The following DCAF1 variants were observed in gnomAD, a reference collection of about 807,000 sequenced individuals.
DCAF1 encodes the protein DDB1 and CUL4 associated factor 1.
DCAF1 carries 15 observed loss-of-function variants against 128.0 expected under a neutral mutation model. The observed-to-expected ratio is 0.12, with a 90% CI of 0.08 to 0.18. The LOEUF is 0.18. Among genes scored for constraint, DCAF1 ranks in the 10% least tolerant of loss-of-function variants. The pLI is 1.00. For synonymous variants in DCAF1, 610 were observed against 603.0 expected, an observed-to-expected ratio of 1.01 and a Z score of -0.17; for missense variants, 988 against 1,649.5, an observed-to-expected ratio of 0.60 and a Z score of 6.95.
intron 23 of DCAF1, among the ~76,000 whole-genome samples, chr3:51,410,686 T>C (rs965085623): frequency 3.9e-5 from 6 of 152,260 alleles, no homozygotes; most frequent in African/African-American, 1.2e-4. Context: ...ACAAGCTGTT[T>C]TGAAAGGACG....
At chr3:51,453,870 T>G (rs1169675038) in intron 6 of DCAF1, among the ~76,000 whole-genome samples, 79 of 151,860 alleles carry the variant, frequency 5.2e-4, no homozygotes, top group Non-Finnish European at 2.9e-5. Context: ...GGAGAATTGC[T>G]TGAACCCGGG....
chr3:51,432,229 C>G (rs1700451711), intron 10 of DCAF1, among the ~76,000 whole-genome samples: 1 of 143,502 alleles, frequency 7.0e-6, no homozygotes, highest in Non-Finnish European at 1.5e-5. Context: ...CAAGATGGCA[C>G]CACTGCACTC....
rs782588216 is a variant in DCAF1, at chr3:51,416,848, T to G, written c.3542A>C (p.Tyr1181Ser). ...DMKHSFTEDH[Y>S]VEFSKHSQDR... is the part of the protein sequence containing the mutation. Reference sequence around the variant, plus strand: ...CTGGGAGTGCTTACTGAACTCAACATAGTGATCTTCTGTGAAGGAATGCCT... The same window carrying G: ...CTGGGAGTGCTTACTGAACTCAACAGAGTGATCTTCTGTGAAGGAATGCCT... Residue 1181 changes from tyrosine to serine, a missense_variant, in exon 18 of 25, where the codon TAT becomes TCT. Tyr to Ser is a moderately radical substitution (Grantham distance 144). Transcript: ENST00000684031. The G allele has an allele frequency of 2.5e-6, 4 of 1,610,788 alleles. No individual in the cohort carries two copies. In the East Asian group the frequency reaches 8.9e-5, roughly 36 times the overall value.
intron 9 of DCAF1, among the ~76,000 whole-genome samples, chr3:51,438,560 A>G (rs1228112409): frequency 6.6e-6 from 1 of 152,228 alleles, no homozygotes; most frequent in African/African-American, 2.4e-5. Flanking sequence ...GATTAGAATG[A>G]AGCACAAAAA....
intron 13 of DCAF1, among the ~76,000 whole-genome samples, chr3:51,424,463 G>T (rs1553633540): frequency 6.6e-6 from 1 of 151,916 alleles, no homozygotes; most frequent in African/African-American, 2.4e-5. Context: ...GCTGGTGGGG[G>T]ATGACAATGG....
chr3:51,432,554 G>T (rs1296496519), intron 10 of DCAF1, among the ~76,000 whole-genome samples: 2 of 151,858 alleles, frequency 1.3e-5, no homozygotes, highest in Non-Finnish European at 2.9e-5. Context: ...CGCCTCCTGG[G>T]TTCAAGCAAT....
At chr3:51,494,769 G>A (rs1708058375) in intron 2 of DCAF1, among the ~76,000 whole-genome samples, 1 of 151,724 alleles carries the variant, frequency 6.6e-6, no homozygotes, top group Non-Finnish European at 1.5e-5. Context: ...TGTTACCCAG[G>A]CTGGTCTCAA....
chr3:51,484,896 T>A (rs1319664368), intron 2 of DCAF1, among the ~76,000 whole-genome samples: 1 of 149,972 alleles, frequency 6.7e-6, no homozygotes, highest in Non-Finnish European at 1.5e-5. Context: ...CTGGCCAGGC[T>A]AGTCTCAAAC....
chr3:51,460,086 G>T (rs1423134409), intron 6 of DCAF1, among the ~76,000 whole-genome samples: 1 of 152,134 alleles, frequency 6.6e-6, no homozygotes, highest in East Asian at 1.9e-4. Context: ...GAAATAAAGG[G>T]TATTCAATTA....
intron 16 of DCAF1, 100 bp from the exon 17 acceptor site, chr3:51,418,298 T>C: frequency 6.6e-7 from 1 of 1,504,166 alleles, no homozygotes; most frequent in Non-Finnish European, 8.9e-7. Flanking sequence ...AAAAATGTTG[T>C]TGAATTAAAG....
rs879192648 is a variant in DCAF1 at position 51,432,267 on chromosome 3, T to TAAA, written c.1287+836_1287+838dup. Among the ~76,000 whole-genome samples the TAAA allele has an allele frequency of 4.6e-3, 455 of 98,954 alleles. 6 individuals carry two copies. Among genetic ancestry groups the TAAA allele is most frequent in the Middle Eastern group, 0.023 (4 of 174 alleles). 64.9% of individuals were successfully genotyped at this position (98,954 alleles called of 152,430 possible). A position where few individuals can be genotyped will look rare whatever the true frequency, so the allele number is the denominator to read the frequency against. On this transcript the variant is annotated intron_variant, in intron 10 of 24. Coordinates refer to ENST00000684031, the MANE Select transcript of DCAF1 (RefSeq NM_001387579.1). ...ACCTGGGAGACAGAGCAAGATTCTG[T>TAAA]AAAAAAAAAAAAAAAAAAAAAGTAT...
intron 8 of DCAF1, 114 bp downstream of exon 8, chr3:51,441,271 C>G (rs1265452146): frequency 3.4e-5 from 47 of 1,367,858 alleles, no homozygotes; most frequent in Admixed American, 1.6e-4. Context: ...TCATGCAAAC[C>G]CTTGTTTGTG....
At chr3:51,410,950 G>A (rs1210007061) in intron 23 of DCAF1, among the ~76,000 whole-genome samples, 1 of 152,142 alleles carries the variant, frequency 6.6e-6, no homozygotes, top group African/African-American at 2.4e-5. Flanking sequence ...CTGAGGTCAG[G>A]AGTTCCAGAC....
At chr3:51,403,030 A>G in intron 24 of DCAF1, 113 bp downstream of exon 24, 1 of 1,464,654 alleles carries the variant, frequency 6.8e-7, no homozygotes, top group South Asian at 1.5e-5. Context: ...GTAGTGAATC[A>G]AATTATGGGG....
intron 3 of DCAF1, among the ~76,000 whole-genome samples, chr3:51,473,810 C>CT (rs113104446): frequency 3.8e-4 from 55 of 145,644 alleles, no homozygotes; most frequent in South Asian, 2.0e-3. Flanking sequence ...CCTTGCTAGT[C>CT]TTTTTTTTTT....
At chr3:51,414,186 T>G in intron 19 of DCAF1, 143 bp from the exon 20 acceptor site, 1 of 1,142,684 alleles carries the variant, frequency 8.8e-7, no homozygotes, top group Non-Finnish European at 1.2e-6. Context: ...AACAAATACA[T>G]GTAGAATGCA....
At chr3:51,487,224 C>T (rs1374382876) in intron 2 of DCAF1, among the ~76,000 whole-genome samples, 2 of 152,114 alleles carry the variant, frequency 1.3e-5, no homozygotes, top group African/African-American at 4.8e-5. Flanking sequence ...CCCACCTCAG[C>T]TTCCTAAAGT....
chr3:51,445,402 C>G (rs1701757462), intron 6 of DCAF1, among the ~76,000 whole-genome samples: 1 of 152,194 alleles, frequency 6.6e-6, no homozygotes, highest in Non-Finnish European at 1.5e-5. Flanking sequence ...ACGTAGCACA[C>G]TTAAATAACA....
At position 51,465,343 on chromosome 3, in the gene DCAF1, G is replaced by A. The variant is rs183141160; in HGVS notation, c.261+1460C>T. Among the ~76,000 whole-genome samples, 8 of 152,304 alleles carry A rather than the reference G, an allele frequency of 5.3e-5. No homozygotes were observed. The East Asian group carries it at 1.5e-3, about 29-fold the overall frequency. On this transcript the variant is annotated intron_variant, in intron 5 of 24. Transcript: ENST00000684031. ...TGGTCAGACACGTAAAATTCGAGGTGTATATGGGAGACACCCAGAAGGAAA... is the reference window on the plus strand; with the variant it reads ...TGGTCAGACACGTAAAATTCGAGGTATATATGGGAGACACCCAGAAGGAAA...
Sources: gnomAD v4.1 joint callset for allele counts (sites outside exome capture counted in the v4.1 genomes callset) on GRCh38, gnomAD v4.1.1 for gene constraint, MANE v1.5 for transcripts, NCBI Gene and HGNC (gene_info 2026-07-23, HGNC 2026-07-21) for gene names.